RCAN1: variants seen among roughly 807,000 people sequenced by gnomAD.
RCAN1 encodes the protein regulator of calcineurin 1, also known as calcipressin-1.
In RCAN1, 11 loss-of-function variants were observed where a neutral mutation model predicts 22.9. The observed-to-expected ratio is 0.48, with a 90% CI of 0.30 to 0.79. RCAN1 has a LOEUF of 0.79. RCAN1 is among the 30% of genes least tolerant of loss of function. The pLI is 0.06. For missense variants in RCAN1, 291 were observed against 337.8 expected, an observed-to-expected ratio of 0.86 and a Z score of 1.09; for synonymous variants, 136 against 142.3, an observed-to-expected ratio of 0.96 and a Z score of 0.32.
chr21:34,602,308 T>C (rs1028950107), intron 1 of RCAN1, among the ~76,000 whole-genome samples: 6 of 152,150 alleles, frequency 3.9e-5, no homozygotes, highest in African/African-American at 1.4e-4. Context: ...TGCCTCTGCA[T>C]AACCACCCCT....
chr21:34,537,061 T>C (rs769250868), intron 1 of RCAN1, among the ~76,000 whole-genome samples: 2 of 152,212 alleles, frequency 1.3e-5, no homozygotes, highest in Non-Finnish European at 2.9e-5. Context: ...CTTAAAAGCC[T>C]GATAACAAGT....
chr21:34,518,978 C>T lies in RCAN1; in HGVS notation c.587-722G>A, dbSNP rs1033796209. Among the ~76,000 whole-genome samples the T allele has an allele frequency of 3.3e-5, 5 of 152,200 alleles. No individual in the cohort carries two copies. The highest frequency in any genetic ancestry group is 7.3e-5 in the Non-Finnish European group (5 of 68,042). The stretch of plus-strand genomic sequence containing the variant: ...GGACTGGGGCCTCCCGCTGGGGTGC[C>T]GCTCTGGCCACGGGAAGAGTGTGCA... On this transcript the variant is annotated intron_variant, in intron 3 of 3. Coordinates refer to ENST00000313806, the MANE Select transcript of RCAN1 (RefSeq NM_004414.7). This position sits in a 1 kb window ranked among gnomAD's most constrained non-coding sequence, Gnocchi z 4.2.
rs114404058 is a variant in RCAN1, at chr21:34,581,833, C to T, written c.252+32927G>A. On this transcript the variant is annotated intron_variant, in intron 1 of 3. Coordinates refer to ENST00000313806, the MANE Select transcript of RCAN1 (RefSeq NM_004414.7). The stretch of plus-strand genomic sequence containing the variant: ...GGCAGGCTGAGAAGCGTGTCTCCCA[C>T]GGGCTCTACAGTACTCTTGCAAAGC... Among the ~76,000 whole-genome samples the T allele has an allele frequency of 7.3e-3, 1,117 of 152,346 alleles. 16 individuals are homozygous for T. The highest frequency in any genetic ancestry group is 0.026 in the African/African-American group (1,073 of 41,576).
intron 1 of RCAN1, among the ~76,000 whole-genome samples, chr21:34,565,782 G>C (rs1377388457): frequency 6.6e-6 from 1 of 152,154 alleles, no homozygotes; most frequent in Non-Finnish European, 1.5e-5. Flanking sequence ...CAAAATGTGT[G>C]GCTTACATAA....
intron 1 of RCAN1, among the ~76,000 whole-genome samples, chr21:34,598,561 A>T (rs1446554330): frequency 1.3e-5 from 2 of 152,220 alleles, no homozygotes; most frequent in Non-Finnish European, 2.9e-5. Context: ...AAAAGCAAAC[A>T]TCAACAACAA....
At chr21:34,609,793 G>A (rs986144092) in intron 1 of RCAN1, among the ~76,000 whole-genome samples, 3 of 152,162 alleles carry the variant, frequency 2.0e-5, no homozygotes, top group Non-Finnish European at 4.4e-5. Flanking sequence ...GAGTGGTGAG[G>A]AGGATTTAAA....
intron 1 of RCAN1, among the ~76,000 whole-genome samples, chr21:34,533,084 C>T (rs1407323437): frequency 2.0e-5 from 3 of 151,544 alleles, no homozygotes; most frequent in Non-Finnish European, 4.4e-5. Context: ...CCTCAGCCTC[C>T]CGAGTAGCTG....
chr21:34,517,847 C>T lies in RCAN1; in HGVS notation c.*237G>A, dbSNP rs1268298487. On this transcript the variant is annotated 3_prime_UTR_variant, in exon 4 of 4. Transcript: ENST00000313806. ...CAAGACAGTCCCAAATGTCCTTGTG[C>T]GATCACCACAAACTCAGTGATTGGC... The T allele has an allele frequency of 5.4e-6, 3 of 560,144 alleles. No individual in the cohort carries two copies. Among genetic ancestry groups the T allele is most frequent in the Admixed American group, 3.2e-5 (1 of 31,504 alleles). The allele number at this position is 560,144 out of a possible 1,614,324, so 34.7% of individuals were successfully genotyped here. A position where few individuals can be genotyped will look rare whatever the true frequency, so the allele number is the denominator to read the frequency against.
At chr21:34,586,386 A>G (rs993149537) in intron 1 of RCAN1, among the ~76,000 whole-genome samples, 3 of 124,018 alleles carry the variant, frequency 2.4e-5, no homozygotes, top group Admixed American at 1.7e-4. Context: ...AATCAATAAC[A>G]TTAAAAAAAA....
intron 1 of RCAN1, among the ~76,000 whole-genome samples, chr21:34,583,106 C>T (rs1204371595): frequency 6.6e-6 from 1 of 152,016 alleles, no homozygotes; most frequent in East Asian, 1.9e-4. Flanking sequence ...GTCCTTCACT[C>T]CCCACAAGTT....
chr21:34,524,007 T>C, intron 1 of RCAN1: 1 of 231,738 alleles, frequency 4.3e-6, no homozygotes, highest in South Asian at 5.6e-5. Flanking sequence ...GGTCTCAAGC[T>C]CCTGTCCTCA....
chr21:34,604,225 G>C (rs1032189103), intron 1 of RCAN1, among the ~76,000 whole-genome samples: 3 of 152,112 alleles, frequency 2.0e-5, no homozygotes, highest in Non-Finnish European at 4.4e-5. Flanking sequence ...CCGCCTCCCG[G>C]GTTCAAGCGA....
chr21:34,525,242 A>T (rs1446564749), intron 1 of RCAN1: 3 of 1,550,648 alleles, frequency 1.9e-6, no homozygotes, highest in Admixed American at 3.9e-5. Flanking sequence ...GGAGCAGGGT[A>T]GTCGGTCCCT....
chr21:34,603,213 G>A (rs1438000812), intron 1 of RCAN1, among the ~76,000 whole-genome samples: 15 of 152,172 alleles, frequency 9.9e-5, no homozygotes, highest in Non-Finnish European at 2.1e-4. Flanking sequence ...CACACATGAA[G>A]TTACTGCCCC....
At chr21:34,547,189 C>G (rs1005025660) in intron 1 of RCAN1, among the ~76,000 whole-genome samples, 1 of 152,216 alleles carries the variant, frequency 6.6e-6, no homozygotes, top group African/African-American at 2.4e-5. Context: ...CCAGGTGCTA[C>G]AGGAGCCTGA....
intron 2 of RCAN1, chr21:34,522,269 T>A (rs866350131): frequency 6.6e-6 from 1 of 152,084 alleles, no homozygotes; most frequent in Non-Finnish European, 1.5e-5. Context: ...AGTTTGGTTT[T>A]AGAAATGCTG....
At chr21:34,567,898 C>T (rs925013226) in intron 1 of RCAN1, among the ~76,000 whole-genome samples, 66 of 152,336 alleles carry the variant, frequency 4.3e-4, no homozygotes, top group African/African-American at 1.5e-3. Flanking sequence ...CAGAAGATAA[C>T]TGGAGTGAAA....
At position 34,516,640 on chromosome 21, in the gene RCAN1, T is replaced by C. The variant is rs1360836966; in HGVS notation, c.*1444A>G. ...ACCGGCTCCCTCTTACCAAGTACCG[T>C]AAACAGGGTTTGAGAACGTTCAATC... On this transcript the variant is annotated 3_prime_UTR_variant, in exon 4 of 4. Transcript: ENST00000313806. The C allele has an allele frequency of 6.6e-6, 1 of 152,234 alleles. No homozygotes were observed. The highest frequency in any genetic ancestry group is 2.4e-5 in the African/African-American group (1 of 41,458). 9.4% of individuals were successfully genotyped at this position (152,234 alleles called of 1,614,324 possible).
chr21:34,600,105 A>G (rs1251164095), intron 1 of RCAN1, among the ~76,000 whole-genome samples: 1 of 152,066 alleles, frequency 6.6e-6, no homozygotes, highest in Non-Finnish European at 1.5e-5. Flanking sequence ...GTCCCCTGGT[A>G]CCTCCCTATG....
Sources: allele counts gnomAD v4.1 joint callset (sites outside exome capture counted in the v4.1 genomes callset), GRCh38; gene constraint gnomAD v4.1.1; non-coding constraint Gnocchi (gnomAD v3.1); transcripts MANE v1.5; gene names NCBI Gene and HGNC (gene_info 2026-07-23, HGNC 2026-07-21).